CAGE1: variants seen among roughly 807,000 people sequenced by gnomAD.
CAGE1 encodes the protein cancer antigen 1, also known as cancer-associated gene 1 protein.
CAGE1 carries 66 observed loss-of-function variants against 94.9 expected under a neutral mutation model. The observed-to-expected ratio is 0.70, with a 90% CI of 0.57 to 0.85. CAGE1 has a LOEUF of 0.85. Among genes scored for constraint, CAGE1 ranks in the 40% least tolerant of loss-of-function variants. CAGE1 has a pLI of 0.00. For synonymous variants in CAGE1, 319 were observed against 321.0 expected, an observed-to-expected ratio of 0.99 and a Z score of 0.07; for missense variants, 865 against 950.4, an observed-to-expected ratio of 0.91 and a Z score of 1.18.
At chr6:7,371,292 C>A (rs1327410398) in intron 5 of CAGE1, among the ~76,000 whole-genome samples, 1 of 151,988 alleles carries the variant, frequency 6.6e-6, no homozygotes. Context: ...AGTTTGAAAA[C>A]CACTGGCTTA....
rs755883055 is a variant in CAGE1, at chr6:7,378,597, A to G, written c.687+20T>C. On this transcript the variant is annotated intron_variant, in intron 4 of 13. Transcript: ENST00000502583. Reference sequence around the variant, plus strand: ...ATTCTCTTTATCAAATGGTTTTACAATATTATTGTGTACACTTTCCTTACA... The same window carrying G: ...ATTCTCTTTATCAAATGGTTTTACAGTATTATTGTGTACACTTTCCTTACA... 3.9e-6 allele frequency: 6 copies of G among 1,543,358 alleles called. No individual in the cohort carries two copies. The highest frequency in any genetic ancestry group is 4.4e-5 in the Admixed American group (2 of 45,706).
At chr6:7,355,820 A>G (rs1759932494) in intron 10 of CAGE1, among the ~76,000 whole-genome samples, 1 of 152,174 alleles carries the variant, frequency 6.6e-6, no homozygotes. Context: ...TATGCAACAT[A>G]GCGAGACCAT....
intron 4 of CAGE1, 137 bp from the exon 5 acceptor site, chr6:7,374,268 A>G: frequency 1.5e-6 from 1 of 664,526 alleles, no homozygotes; most frequent in Non-Finnish European, 2.6e-6. Flanking sequence ...AATAGTATCT[A>G]CTTCCAATAA....
intron 5 of CAGE1, 65 bp downstream of exon 5, chr6:7,373,007 AC>A (rs1760596113): frequency 9.0e-7 from 1 of 1,114,698 alleles, no homozygotes; most frequent in East Asian, 2.4e-5. Context: ...ACGTCTAAAT[AC>A]GCATCACTAG....
intron 3 of CAGE1, among the ~76,000 whole-genome samples, chr6:7,381,736 C>T (rs1324070536): frequency 1.3e-5 from 2 of 151,962 alleles, no homozygotes; most frequent in East Asian, 3.9e-4. Context: ...ACCATGTTGG[C>T]CAGGCTGGTC....
intron 12 of CAGE1, among the ~76,000 whole-genome samples, chr6:7,333,642 C>A (rs375157966): frequency 0.026 from 3,109 of 120,716 alleles, 46 homozygotes; most frequent in Non-Finnish European, 0.031. Context: ...ATCTAACTAT[C>A]TATATATATA....
At chr6:7,343,209 A>G (rs911636469) in intron 11 of CAGE1, among the ~76,000 whole-genome samples, 1 of 151,664 alleles carries the variant, frequency 6.6e-6, no homozygotes, top group Non-Finnish European at 1.5e-5. Context: ...AAAAGAAAAG[A>G]AAAGAAAAGA....
chr6:7,343,198 A>AAAAAAAAAAAAAAAGAAAAGAAAAG (rs574460085), intron 11 of CAGE1, among the ~76,000 whole-genome samples: 1 of 137,320 alleles, frequency 7.3e-6, no homozygotes, highest in Non-Finnish European at 1.5e-5. Flanking sequence ...CACAAAAAAA[A>AAAAAAAAAAAAAAAGAAAAGAAAAG]AAAAGAAAAG....
At chr6:7,385,983 T>C (rs1197274384) in intron 2 of CAGE1, 111 bp from the exon 3 acceptor site, 2 of 546,722 alleles carry the variant, frequency 3.7e-6, no homozygotes, top group East Asian at 3.4e-5. Context: ...ATTACATAGG[T>C]AGAATGTGCT....
chr6:7,370,489 G>C (rs1055239341), intron 5 of CAGE1, among the ~76,000 whole-genome samples: 3 of 152,018 alleles, frequency 2.0e-5, no homozygotes, highest in African/African-American at 7.3e-5. Flanking sequence ...GAGATGGGGG[G>C]TCTCACCATG....
intron 11 of CAGE1, among the ~76,000 whole-genome samples, chr6:7,348,074 C>T (rs1290366248): frequency 1.3e-5 from 2 of 152,154 alleles, no homozygotes; most frequent in South Asian, 2.1e-4. Flanking sequence ...TACTACACAG[C>T]TGATGCTCTC....
chr6:7,339,416 T>C lies in CAGE1; in HGVS notation c.2370-5326A>G, dbSNP rs529304040. 1.8e-4 allele frequency: 278 copies of C among 1,532,938 alleles called. 2 individuals carry two copies. The South Asian group carries it at 3.1e-3, about 17-fold the overall frequency. The allele number at this position is 1,532,938 out of a possible 1,614,324, so 95.0% of individuals were successfully genotyped here. A position where few individuals can be genotyped will look rare whatever the true frequency, so the allele number is the denominator to read the frequency against. Reference sequence around the variant, plus strand: ...CAAGAACATTCTGTGTTCTGGTGGCTAAGACAATGATTTCTGTCCTGGTTG... The same window carrying C: ...CAAGAACATTCTGTGTTCTGGTGGCCAAGACAATGATTTCTGTCCTGGTTG... On this transcript the variant is annotated intron_variant, in intron 11 of 13. Coordinates refer to ENST00000502583, the MANE Select transcript of CAGE1 (RefSeq NM_001170692.2). The surrounding 1 kb of genome is among the most constrained non-coding windows in gnomAD (Gnocchi z 4.7).
intron 9 of CAGE1, among the ~76,000 whole-genome samples, chr6:7,356,704 C>A (rs558018938): frequency 6.6e-6 from 1 of 152,254 alleles, no homozygotes; most frequent in South Asian, 2.1e-4. Context: ...TTCACAATTT[C>A]CCCTAGCAGT....
intron 11 of CAGE1, among the ~76,000 whole-genome samples, chr6:7,345,239 A>AT (rs1470447786): frequency 6.7e-6 from 1 of 148,952 alleles, no homozygotes; most frequent in Non-Finnish European, 1.5e-5. Flanking sequence ...CCTACCAAGA[A>AT]GAAGGAACAA....
intron 11 of CAGE1, among the ~76,000 whole-genome samples, chr6:7,337,266 G>A (rs1414545417): frequency 1.3e-5 from 2 of 148,870 alleles, no homozygotes; most frequent in Non-Finnish European, 3.0e-5. Context: ...GGCGGAGGTT[G>A]CAGTGAGCCA....
chr6:7,381,623 G>A (rs1760936372), intron 3 of CAGE1, among the ~76,000 whole-genome samples: 1 of 151,516 alleles, frequency 6.6e-6, no homozygotes, highest in Non-Finnish European at 1.5e-5. Flanking sequence ...CCACCTCCTG[G>A]GTTCAAGCAA....
intron 12 of CAGE1, chr6:7,331,143 C>CT (rs889111505): frequency 1.8e-5 from 4 of 217,914 alleles, no homozygotes; most frequent in Non-Finnish European, 2.9e-5. Context: ...TTCTCTCTTT[C>CT]TTTTTTTACA....
chr6:7,342,461 C>T (rs1402130417), intron 11 of CAGE1, among the ~76,000 whole-genome samples: 2 of 152,176 alleles, frequency 1.3e-5, no homozygotes, highest in Non-Finnish European at 2.9e-5. Flanking sequence ...AGGACCTGGC[C>T]TCTCATCTGG....
At chr6:7,342,070 T>A in intron 11 of CAGE1, 1 of 921,272 alleles carries the variant, frequency 1.1e-6, no homozygotes, top group Non-Finnish European at 1.8e-6. Flanking sequence ...GAAGCTCGAC[T>A]AATAGAAGAC....
Sources: gnomAD v4.1 joint callset for allele counts (sites outside exome capture counted in the v4.1 genomes callset) on GRCh38, gnomAD v4.1.1 for gene constraint, Gnocchi (gnomAD v3.1) non-coding constraint, MANE v1.5 for transcripts, NCBI Gene and HGNC (gene_info 2026-07-23, HGNC 2026-07-21) for gene names.